PTPRE: variants seen among roughly 807,000 people sequenced by gnomAD.
PTPRE encodes the protein protein tyrosine phosphatase receptor type E.
Under a neutral mutation model 102.0 loss-of-function variants are expected in PTPRE, and 51 were observed. The observed-to-expected ratio is 0.50, with a 90% CI of 0.40 to 0.63. The LOEUF (loss-of-function observed/expected upper bound fraction) is 0.63. PTPRE is among the 30% of genes least tolerant of loss of function. The pLI, the probability that PTPRE is intolerant of heterozygous loss-of-function variation, is 0.00. For synonymous variants in PTPRE, 345 were observed against 348.2 expected (o/e 0.99, Z 0.10); for missense variants, 752 against 915.1 (o/e 0.82, Z 2.30).
At chr10:128,067,500 ACCCACACATACATG>A (rs1850355366) in intron 11 of PTPRE, among the ~76,000 whole-genome samples, 1 of 150,754 alleles carries the variant, frequency 6.6e-6, no homozygotes. Context: ...ACACACATTC[ACCCACACATACATG>A]CGCACACATG....
chr10:127,924,711 A>G (rs1340722194), intron 1 of PTPRE, among the ~76,000 whole-genome samples: 3 of 152,254 alleles, frequency 2.0e-5, no homozygotes, highest in African/African-American at 7.2e-5. Context: ...TTAATGTTCA[A>G]TAAGGTCCCA....
chr10:128,063,120 G>T lies in PTPRE; in HGVS notation c.663G>T (p.Met221Ile). The change falls in exon 10 of 21, where the codon ATG becomes ATT. Residue 221 changes from methionine (M) to isoleucine (I), a missense_variant. This residue lies in a region of PTPRE where 636 missense variants were observed against 824.4 expected (regional missense o/e 0.77). Coordinates refer to ENST00000254667, the MANE Select transcript of PTPRE (RefSeq NM_006504.6). Reference protein sequence around the residue: ...KQETVNDFWRMVWEQKSATIV... With the variant: ...KQETVNDFWRIVWEQKSATIV... The stretch of plus-strand genomic sequence containing the variant: ...AAACGGTTAACGACTTCTGGAGAAT[G>T]GTCTGGGAGCAAAAGTCTGCGACCA... The T allele has an allele frequency of 6.2e-7, 1 of 1,614,228 alleles. No individual in the cohort carries two copies. The highest frequency in any genetic ancestry group is 1.6e-4 in the Middle Eastern group (1 of 6,062).
At chr10:127,976,456 C>T (rs1376119090) in intron 1 of PTPRE, among the ~76,000 whole-genome samples, 4 of 151,940 alleles carry the variant, frequency 2.6e-5, no homozygotes, top group African/African-American at 7.3e-5. Context: ...GTGCCTTGGT[C>T]GGGGGAGGAG....
At chr10:127,939,321 G>A (rs571565008) in intron 1 of PTPRE, among the ~76,000 whole-genome samples, 16 of 152,116 alleles carry the variant, frequency 1.1e-4, no homozygotes, top group Non-Finnish European at 1.6e-4. Context: ...AAAACTTCCC[G>A]TTCTGCTGTA....
chr10:127,929,052 A>G (rs1183771613), intron 1 of PTPRE, among the ~76,000 whole-genome samples: 2 of 152,224 alleles, frequency 1.3e-5, no homozygotes, highest in Non-Finnish European at 2.9e-5. Flanking sequence ...GTTTCAAGTC[A>G]CTTTTAAATT....
intron 1 of PTPRE, among the ~76,000 whole-genome samples, chr10:127,975,386 T>A (rs895882508): frequency 1.3e-5 from 2 of 152,206 alleles, no homozygotes; most frequent in African/African-American, 4.8e-5. Flanking sequence ...GAATAATAAT[T>A]ATTATTATTT....
intron 1 of PTPRE, among the ~76,000 whole-genome samples, chr10:127,960,831 A>G (rs1849746877): frequency 6.6e-6 from 1 of 152,066 alleles, no homozygotes; most frequent in Non-Finnish European, 1.5e-5. Flanking sequence ...AGACCATCCT[A>G]ACATGGTGAA....
chr10:127,942,388 A>G (rs1465769654), intron 1 of PTPRE, among the ~76,000 whole-genome samples: 1 of 152,260 alleles, frequency 6.6e-6, no homozygotes, highest in Non-Finnish European at 1.5e-5. Flanking sequence ...TCCTCGATTT[A>G]TAAAGCAAAT....
rs77987287 is a variant in PTPRE at position 128,009,675 on chromosome 10, G to A, written c.-8+27379G>A. ...TTGTGGCCCAGGCTCTTTGCAGTGC[G>A]TGTGCTGCAAAGGACAGCCCTGAAA... On this transcript the variant is annotated intron_variant, in intron 2 of 20. Coordinates refer to ENST00000254667, the MANE Select transcript of PTPRE (RefSeq NM_006504.6). 1.5e-3 allele frequency among the ~76,000 whole-genome samples: 236 copies of A among 152,344 alleles called. 1 individual carries two copies. In the East Asian group the frequency reaches 0.029, roughly 18 times the overall value.
intron 2 of PTPRE, among the ~76,000 whole-genome samples, chr10:128,019,635 A>ATCCATCCACCCG (rs1845702451): frequency 6.6e-6 from 1 of 152,096 alleles, no homozygotes; most frequent in South Asian, 2.1e-4. Context: ...ATGTCAGCCC[A>ATCCATCCACCCG]TTCATTCATT....
At chr10:127,950,653 A>G (rs1314759104) in intron 1 of PTPRE, among the ~76,000 whole-genome samples, 2 of 152,206 alleles carry the variant, frequency 1.3e-5, no homozygotes, top group Middle Eastern at 3.2e-3. Flanking sequence ...GGATAATTGG[A>G]TCCTGGGGTG....
chr10:128,071,020 C>A, intron 15 of PTPRE, 119 bp downstream of exon 15: 1 of 996,778 alleles, frequency 1.0e-6, no homozygotes, highest in Non-Finnish European at 1.5e-6. Flanking sequence ...GCAGGGTGTC[C>A]TCTGGCCTCA....
At chr10:128,019,720 C>G (rs1845714199) in intron 2 of PTPRE, among the ~76,000 whole-genome samples, 1 of 152,188 alleles carries the variant, frequency 6.6e-6, no homozygotes, top group Admixed American at 6.5e-5. Flanking sequence ...CTCCCCAGGC[C>G]TCTGTTGGGC....
At chr10:127,917,657 C>A (rs759550521) in intron 1 of PTPRE, among the ~76,000 whole-genome samples, 1 of 151,892 alleles carries the variant, frequency 6.6e-6, no homozygotes, top group Non-Finnish European at 1.5e-5. Context: ...AGAGCGAGAA[C>A]CTGTCTCAAA....
chr10:127,954,399 T>C (rs578183694), intron 1 of PTPRE, among the ~76,000 whole-genome samples: 115 of 152,218 alleles, frequency 7.6e-4, no homozygotes, highest in Non-Finnish European at 9.4e-4. Context: ...GCAGTGTTTT[T>C]TCCTTACTGG....
chr10:128,001,521 G>A (rs1385410960), intron 2 of PTPRE, among the ~76,000 whole-genome samples: 1 of 152,180 alleles, frequency 6.6e-6, no homozygotes, highest in Non-Finnish European at 1.5e-5. Context: ...GGGCTGTTCA[G>A]TGCTGCTGTG....
At chr10:128,054,559 C>T (rs1269114056) in intron 6 of PTPRE, among the ~76,000 whole-genome samples, 1 of 151,930 alleles carries the variant, frequency 6.6e-6, no homozygotes, top group Non-Finnish European at 1.5e-5. Context: ...CCAGACAGGT[C>T]CCTCCACATA....
At chr10:127,987,511 T>G in intron 2 of PTPRE, 1 of 405,498 alleles carries the variant, frequency 2.5e-6, no homozygotes, top group South Asian at 2.7e-5. Context: ...CAGGAAGGCG[T>G]CGTTAAATGA....
chr10:127,940,399 G>A (rs1417140172), intron 1 of PTPRE, among the ~76,000 whole-genome samples: 1 of 152,182 alleles, frequency 6.6e-6, no homozygotes, highest in Non-Finnish European at 1.5e-5. Flanking sequence ...GGTACTGCAG[G>A]CTCACAGCCT....
Sources: gnomAD v4.1 joint callset for allele counts (sites outside exome capture counted in the v4.1 genomes callset) on GRCh38, gnomAD v4.1.1 for gene constraint, gnomAD v4.1.1 regional missense constraint, MANE v1.5 for transcripts, NCBI Gene and HGNC (gene_info 2026-07-23, HGNC 2026-07-21) for gene names.